The following VAT1L variants were observed in gnomAD, a reference collection of about 807,000 sequenced individuals.
VAT1L encodes vesicle amine transport 1 like, also known as putative NADPH-dependent quinone oxidoreductase VAT1L.
A neutral mutation model predicts 44.1 loss-of-function variants in VAT1L; 34 were observed. The observed-to-expected ratio is 0.77, with a 90% CI of 0.59 to 1.03. The LOEUF (loss-of-function observed/expected upper bound fraction) is 1.03, where lower values mean the gene tolerates loss of function less well. Among genes scored for constraint, VAT1L ranks in the 50% least tolerant of loss-of-function variants. The pLI, the probability that VAT1L is intolerant of heterozygous loss-of-function variation, is 0.00. For synonymous variants in VAT1L, 253 were observed against 202.2 expected (o/e 1.25, Z -2.13); for missense variants, 615 against 538.8 (o/e 1.14, Z -1.40).
At chr16:77,810,035 C>A (rs1296073137) in intron 1 of VAT1L, among the ~76,000 whole-genome samples, 1 of 152,124 alleles carries the variant, frequency 6.6e-6, no homozygotes, top group Non-Finnish European at 1.5e-5. Context: ...AAGAGACAGA[C>A]AAATGAGAAT....
chr16:77,853,917 C>G (rs2016831330), intron 3 of VAT1L, among the ~76,000 whole-genome samples: 1 of 152,036 alleles, frequency 6.6e-6, no homozygotes, highest in African/African-American at 2.4e-5. Flanking sequence ...AAGGAGAGTT[C>G]AGGATTTCGA....
At chr16:77,927,533 C>T (rs1355771085) in intron 7 of VAT1L, among the ~76,000 whole-genome samples, 2 of 152,058 alleles carry the variant, frequency 1.3e-5, no homozygotes, top group African/African-American at 4.8e-5. Flanking sequence ...ACCCTAGGTA[C>T]ACCCATTCAT....
At chr16:77,836,675 G>A (rs1567482733) in intron 3 of VAT1L, among the ~76,000 whole-genome samples, 2 of 152,114 alleles carry the variant, frequency 1.3e-5, no homozygotes. Context: ...AATGCCTTAG[G>A]TTAAAAATAT....
At position 77,958,959 on chromosome 16, in the gene VAT1L, C is replaced by G. The variant is rs545733412; in HGVS notation, c.1078-12891C>G. Among the ~76,000 whole-genome samples the G allele has an allele frequency of 1.5e-4, 23 of 152,284 alleles. No homozygotes were observed. The South Asian group carries it at 4.6e-3, about 30-fold the overall frequency. On this transcript the variant is annotated intron_variant, in intron 7 of 8. Transcript: ENST00000302536. ...ATAATAGCTGGTTGAATGTTTCTCC[C>G]ATTCCTTTAAAAATAGTAACCATTC...
intron 1 of VAT1L, among the ~76,000 whole-genome samples, chr16:77,805,050 G>T (rs1157002897): frequency 6.6e-6 from 1 of 152,168 alleles, no homozygotes; most frequent in Non-Finnish European, 1.5e-5. Flanking sequence ...AAGGGGACCA[G>T]TGTCAAGAGC....
intron 7 of VAT1L, among the ~76,000 whole-genome samples, chr16:77,914,704 G>C (rs2017533808): frequency 2.0e-5 from 3 of 151,830 alleles, no homozygotes; most frequent in Non-Finnish European, 4.4e-5. Flanking sequence ...AAGAGTTGTT[G>C]GGCCGGTTAT....
At chr16:77,920,032 C>G (rs1222877224) in intron 7 of VAT1L, among the ~76,000 whole-genome samples, 1 of 152,024 alleles carries the variant, frequency 6.6e-6, no homozygotes. Context: ...TGCAGTGAGT[C>G]AAGATGGTGC....
chr16:77,795,489 T>G (rs191080924), intron 1 of VAT1L, among the ~76,000 whole-genome samples: 146 of 152,320 alleles, frequency 9.6e-4, no homozygotes, highest in Non-Finnish European at 1.5e-3. Flanking sequence ...GTCATACTTC[T>G]GATGGCTTGT....
chr16:77,793,247 G>T (rs2015867074), intron 1 of VAT1L, among the ~76,000 whole-genome samples: 1 of 151,976 alleles, frequency 6.6e-6, no homozygotes, highest in Non-Finnish European at 1.5e-5. Context: ...GCATAGCTGG[G>T]ACCACAGGCA....
At chr16:77,975,357 TCAC>T (rs910305874) in intron 8 of VAT1L, among the ~76,000 whole-genome samples, 5 of 151,854 alleles carry the variant, frequency 3.3e-5, no homozygotes, top group Admixed American at 1.3e-4. Flanking sequence ...TTAGAGGTGC[TCAC>T]CACACCACAC....
At chr16:77,838,155 C>T (rs1306338646) in intron 3 of VAT1L, among the ~76,000 whole-genome samples, 1 of 152,172 alleles carries the variant, frequency 6.6e-6, no homozygotes, top group East Asian at 1.9e-4. Flanking sequence ...ATAGTTCTGG[C>T]CCCTTGGATA....
intron 7 of VAT1L, among the ~76,000 whole-genome samples, chr16:77,902,732 T>TTGG (rs60274726): frequency 0.51 from 54,167 of 106,882 alleles, 14,577 homozygotes; most frequent in South Asian, 0.68. Flanking sequence ...GATGGGGGGG[T>TTGG]GGGGGGGGTG....
At chr16:77,828,499 T>C (rs935218705) in intron 3 of VAT1L, among the ~76,000 whole-genome samples, 1 of 152,044 alleles carries the variant, frequency 6.6e-6, no homozygotes, top group Non-Finnish European at 1.5e-5. Flanking sequence ...CCCCCATCTC[T>C]ATAAAAATAC....
At chr16:77,965,964 G>C (rs2018218220) in intron 7 of VAT1L, among the ~76,000 whole-genome samples, 2 of 152,104 alleles carry the variant, frequency 1.3e-5, no homozygotes, top group Non-Finnish European at 2.9e-5. Context: ...AGGCCAATGA[G>C]GACTTCAAGT....
intron 8 of VAT1L, among the ~76,000 whole-genome samples, chr16:77,974,467 C>A (rs1253636579): frequency 6.6e-6 from 1 of 152,208 alleles, no homozygotes; most frequent in Non-Finnish European, 1.5e-5. Flanking sequence ...AGGGAGGATT[C>A]TTACTGGAGC....
chr16:77,842,179 G>A (rs956116970), intron 3 of VAT1L, among the ~76,000 whole-genome samples: 5 of 152,158 alleles, frequency 3.3e-5, no homozygotes, highest in African/African-American at 9.7e-5. Context: ...GAGCCACCGC[G>A]CCCAGTCTAC....
intron 7 of VAT1L, among the ~76,000 whole-genome samples, chr16:77,960,318 A>G (rs1276452895): frequency 6.6e-6 from 1 of 152,088 alleles, no homozygotes; most frequent in Non-Finnish European, 1.5e-5. Context: ...ATCAGTCAGT[A>G]CCCTGGCAGG....
At chr16:77,848,733 CCCAGAACCT>C (rs2016780534) in intron 3 of VAT1L, among the ~76,000 whole-genome samples, 1 of 152,154 alleles carries the variant, frequency 6.6e-6, no homozygotes, top group African/African-American at 2.4e-5. Flanking sequence ...ACCTCATGTT[CCCAGAACCT>C]ACCCAGTATA....
At chr16:77,887,595 T>G (rs1295474670) in intron 7 of VAT1L, among the ~76,000 whole-genome samples, 1 of 152,092 alleles carries the variant, frequency 6.6e-6, no homozygotes, top group Non-Finnish European at 1.5e-5. Context: ...AAATGGTGCT[T>G]CATGTGTGCT....
Sources: allele counts gnomAD v4.1 joint callset (sites outside exome capture counted in the v4.1 genomes callset), GRCh38; gene constraint gnomAD v4.1.1; transcripts MANE v1.5; gene names NCBI Gene and HGNC (gene_info 2026-07-23, HGNC 2026-07-21).